Variants in CLEC2D observed in about 807,000 individuals in gnomAD.
CLEC2D encodes C-type lectin domain family 2 member D.
In CLEC2D, 16 loss-of-function variants were observed where a neutral mutation model predicts 20.0. The observed-to-expected ratio is 0.80, with a 90% CI of 0.54 to 1.22. The LOEUF is 1.22. Ranked by LOEUF, CLEC2D falls within the 50% of genes most tolerant of loss-of-function variation. CLEC2D has a pLI of 0.00. For synonymous variants in CLEC2D, 77 were observed against 71.1 expected (o/e 1.08, Z -0.42); for missense variants, 207 against 221.5 (o/e 0.93, Z 0.42).
At position 9,699,028 on chromosome 12, in the gene CLEC2D, A is replaced by G. The variant is rs1866065992; in HGVS notation, c.*4154A>G. ...GAAGTCTCTTAACCCACCTGGATAG[A>G]TTTTTCTCACAAACCATTGTCTTCT... On this transcript the variant is annotated 3_prime_UTR_variant, in exon 5 of 5. Transcript: ENST00000290855. The G allele has an allele frequency of 6.6e-6, 1 of 152,112 alleles. No homozygotes were observed. The highest frequency in any genetic ancestry group is 2.1e-4 in the South Asian group (1 of 4,826). 9.4% of individuals were successfully genotyped at this position (152,112 alleles called of 1,614,324 possible).
intron 1 of CLEC2D, among the ~76,000 whole-genome samples, chr12:9,670,356 A>G (rs1560011): frequency 0.6 from 91,552 of 151,934 alleles, 27,644 homozygotes; most frequent in Admixed American, 0.64. Context: ...GGGAATATCA[A>G]GGTTTTATAA....
In CLEC2D at chr12:9,695,145, G is replaced by A; in HGVS notation, c.*271G>A. 1.7e-6 allele frequency: 1 copy of A among 581,162 alleles called. No individual in the cohort carries two copies. The allele number at this position is 581,162 out of a possible 1,614,324, so 36.0% of individuals were successfully genotyped here. A position where few individuals can be genotyped will look rare whatever the true frequency, so the allele number is the denominator to read the frequency against. On this transcript the variant is annotated 3_prime_UTR_variant, in exon 5 of 5. Transcript: ENST00000290855. ...ATTTAATTGACTCATAGTTCCACAT[G>A]GCTGGGGAGGTCTTGCAATCATGAC...
intron 3 of CLEC2D, among the ~76,000 whole-genome samples, chr12:9,692,407 T>C (rs764799812): frequency 6.4e-4 from 98 of 152,256 alleles, no homozygotes; most frequent in Non-Finnish European, 1.1e-3. Flanking sequence ...CCCAAAGTAC[T>C]GGGATTACAG....
intron 2 of CLEC2D, among the ~76,000 whole-genome samples, chr12:9,684,344 C>G (rs1865708406): frequency 6.6e-6 from 1 of 152,190 alleles, no homozygotes; most frequent in African/African-American, 2.4e-5. Context: ...TTGACTTCCT[C>G]TCTTCCTGTT....
In CLEC2D at chr12:9,669,744, A is replaced by C. The variant is rs146546280; in HGVS notation, c.10A>C (p.Ser4Arg). ...AGAAACTGGAGGCAAAATGCATGAC[A>C]GTAACAATGTGGAGAAAGACATTAC... is the stretch of plus-strand genomic sequence containing the variant. MHD[S>R]NNVEKDITPS... Residue 4 changes from serine (S) to arginine (R), a missense_variant, in exon 1 of 5, where the codon AGT (serine) becomes CGT (arginine). Physicochemically the swap from Ser to Arg is moderately radical, Grantham distance 110. Transcript: ENST00000290855. 59 of 1,613,614 alleles carry C rather than the reference A, an allele frequency of 3.7e-5. No individual in the cohort carries two copies. The highest frequency in any genetic ancestry group is 4.7e-5 in the Non-Finnish European group (56 of 1,179,660).
At chr12:9,677,043 A>ATT (rs58691816) in intron 1 of CLEC2D, among the ~76,000 whole-genome samples, 5 of 145,246 alleles carry the variant, frequency 3.4e-5, no homozygotes, top group African/African-American at 1.0e-4. Flanking sequence ...AGCCTTATCC[A>ATT]TTTTTTTTTT....
At chr12:9,691,279 A>G (rs1358003202) in intron 3 of CLEC2D, among the ~76,000 whole-genome samples, 1 of 152,154 alleles carries the variant, frequency 6.6e-6, no homozygotes, top group Non-Finnish European at 1.5e-5. Flanking sequence ...AATAATTGCT[A>G]TAATTTAAGG....
intron 2 of CLEC2D, among the ~76,000 whole-genome samples, chr12:9,686,998 G>A (rs1465613379): frequency 1.3e-5 from 2 of 152,182 alleles, no homozygotes; most frequent in Non-Finnish European, 2.9e-5. Flanking sequence ...GTCATCTGGA[G>A]CAGCAATCGC....
intron 1 of CLEC2D, 85 bp from the exon 2 acceptor site, chr12:9,680,838 A>G (rs1191302139): frequency 4.3e-6 from 3 of 690,190 alleles, no homozygotes; most frequent in Non-Finnish European, 7.6e-6. Flanking sequence ...GGAATTAAAT[A>G]AAAATAACAT....
Position 9,696,504 on chromosome 12 carries a change from G to A in CLEC2D, c.*1630G>A. On this transcript the variant is annotated 3_prime_UTR_variant, in exon 5 of 5. Transcript: ENST00000290855. The stretch of plus-strand genomic sequence containing the variant: ...TGGTCAGACATGGAAATGGTGGGGA[G>A]ACAAAAGTATACACGTGAAATAAAA... The A allele has an allele frequency of 2.9e-5, 7 of 244,322 alleles. No homozygotes were observed. The highest frequency in any genetic ancestry group is 6.8e-5 in the East Asian group (1 of 14,682). 15.1% of individuals were successfully genotyped at this position (244,322 alleles called of 1,614,324 possible).
chr12:9,698,585 C>T lies in CLEC2D; in HGVS notation c.*3711C>T, dbSNP rs112109706. ...AAAATATAGGGAGAAAGCTTCACAA[C>T]GTTGGTCTGGGCAATAATTTTTGGA... On this transcript the variant is annotated 3_prime_UTR_variant, in exon 5 of 5. Transcript: ENST00000290855. The T allele has an allele frequency of 1.4e-4, 21 of 152,278 alleles. No homozygotes were observed. Among genetic ancestry groups the T allele is most frequent in the Middle Eastern group, 6.8e-3 (2 of 294 alleles). 9.4% of individuals were successfully genotyped at this position (152,278 alleles called of 1,614,324 possible).
chr12:9,679,700 A>G (rs1043110648), intron 1 of CLEC2D, among the ~76,000 whole-genome samples: 3 of 152,210 alleles, frequency 2.0e-5, no homozygotes, highest in African/African-American at 7.2e-5. Context: ...ACTAAAATCT[A>G]TTGATTAAGA....
intron 3 of CLEC2D, among the ~76,000 whole-genome samples, chr12:9,689,018 T>C (rs921231119): frequency 1.3e-5 from 2 of 152,220 alleles, no homozygotes; most frequent in Non-Finnish European, 1.5e-5. Flanking sequence ...GCCCATGTTC[T>C]TGTAATGAAT....
At chr12:9,671,730 T>C (rs773004789) in intron 1 of CLEC2D, among the ~76,000 whole-genome samples, 60 of 152,288 alleles carry the variant, frequency 3.9e-4, no homozygotes, top group East Asian at 9.6e-4. Context: ...GCCCTCTCTT[T>C]ATGCTGACAG....
intron 2 of CLEC2D, among the ~76,000 whole-genome samples, chr12:9,687,437 T>C (rs1865772706): frequency 6.6e-6 from 1 of 152,200 alleles, no homozygotes; most frequent in Non-Finnish European, 1.5e-5. Context: ...GAAGCTTCAC[T>C]TACTCATTCG....
intron 2 of CLEC2D, among the ~76,000 whole-genome samples, chr12:9,685,724 G>A (rs1865734479): frequency 6.6e-6 from 1 of 152,198 alleles, no homozygotes; most frequent in South Asian, 2.1e-4. Flanking sequence ...TTGAGCATCT[G>A]GGGTCCACTT....
At chr12:9,685,231 C>T (rs889137790) in intron 2 of CLEC2D, among the ~76,000 whole-genome samples, 29 of 152,206 alleles carry the variant, frequency 1.9e-4, no homozygotes, top group African/African-American at 6.8e-4. Context: ...CAGAGGGGCA[C>T]GCACCAGATG....
chr12:9,685,132 T>C (rs1312478653), intron 2 of CLEC2D, among the ~76,000 whole-genome samples: 1 of 152,198 alleles, frequency 6.6e-6, no homozygotes, highest in East Asian at 1.9e-4. Context: ...TCCAGGAATT[T>C]ATCCATTTCT....
At position 9,695,888 on chromosome 12, in the gene CLEC2D, A is replaced by C. The variant is rs1865980069; in HGVS notation, c.*1014A>C. The C allele has an allele frequency of 1.5e-5, 16 of 1,100,940 alleles. No individual in the cohort carries two copies. The highest frequency in any genetic ancestry group is 2.2e-5 in the Non-Finnish European group (16 of 726,374). 68.2% of individuals were successfully genotyped at this position (1,100,940 alleles called of 1,614,324 possible). ...GATGATGATGAAGATGATGATGATG[A>C]TGATGACGAGGAAGCTGAAGAAAAA... On this transcript the variant is annotated 3_prime_UTR_variant, in exon 5 of 5. Transcript: ENST00000290855.
Sources: gnomAD v4.1 joint callset for allele counts (sites outside exome capture counted in the v4.1 genomes callset) on GRCh38, gnomAD v4.1.1 for gene constraint, MANE v1.5 for transcripts, NCBI Gene and HGNC (gene_info 2026-07-23, HGNC 2026-07-21) for gene names.